The following PBX1 variants were observed in gnomAD, a reference collection of about 807,000 sequenced individuals.
PBX1 encodes PBX homeobox 1.
PBX1 carries 6 observed loss-of-function variants against 53.4 expected under a neutral mutation model. That is an observed-to-expected ratio of 0.11 (90% CI 0.06 to 0.22). PBX1 has a LOEUF of 0.22. PBX1 is among the 10% of genes least tolerant of loss of function. PBX1 has a pLI of 1.00. For missense variants in PBX1, 251 were observed against 551.4 expected (o/e 0.46, Z 5.46); for synonymous variants, 204 against 212.3 (o/e 0.96, Z 0.34).
intron 2 of PBX1, among the ~76,000 whole-genome samples, chr1:164,745,015 T>C (rs905057571): frequency 1.3e-5 from 2 of 152,186 alleles, no homozygotes; most frequent in African/African-American, 2.4e-5. Flanking sequence ...ACTTGCAAAG[T>C]ACTGTTTCTA....
At chr1:164,790,029 T>G (rs1310892156) in intron 2 of PBX1, among the ~76,000 whole-genome samples, 3 of 151,988 alleles carry the variant, frequency 2.0e-5, no homozygotes, top group Non-Finnish European at 4.4e-5. Context: ...CTATTAAAAT[T>G]TATCATATAA....
At chr1:164,574,604 GT>G (rs1654091534) in intron 2 of PBX1, among the ~76,000 whole-genome samples, 1 of 152,140 alleles carries the variant, frequency 6.6e-6, no homozygotes, top group African/African-American at 2.4e-5. Context: ...TGTAAAACTG[GT>G]TATGGTGGTG....
intron 2 of PBX1, among the ~76,000 whole-genome samples, chr1:164,701,870 A>G (rs918354746): frequency 3.9e-5 from 6 of 152,212 alleles, no homozygotes; most frequent in Non-Finnish European, 7.3e-5. Context: ...TGCTTTTATT[A>G]GTGGTACTGT....
chr1:164,795,289 T>A (rs1216347965), intron 3 of PBX1, among the ~76,000 whole-genome samples: 1 of 152,194 alleles, frequency 6.6e-6, no homozygotes, highest in African/African-American at 2.4e-5. Context: ...AATACCTGAC[T>A]CCACTTTGTA....
At chr1:164,700,389 G>T in intron 2 of PBX1, 5 of 896,530 alleles carry the variant, frequency 5.6e-6, no homozygotes, top group Non-Finnish European at 6.7e-6. Context: ...TCAAGGGAGC[G>T]TGAGGTTCTG....
chr1:164,611,866 C>A (rs1481071535), intron 2 of PBX1, among the ~76,000 whole-genome samples: 2 of 152,118 alleles, frequency 1.3e-5, no homozygotes, highest in African/African-American at 4.8e-5. Context: ...TCTCGCATCT[C>A]ACTTTACCTC....
chr1:164,881,554 A>G (rs1238327503), intron 2 of PBX1, among the ~76,000 whole-genome samples: 2 of 108,448 alleles, frequency 1.8e-5, no homozygotes, highest in Non-Finnish European at 1.9e-5. Context: ...CAGAGAGAGT[A>G]GCGGTGGTGA....
At chr1:164,621,697 G>A (rs544398543) in intron 2 of PBX1, among the ~76,000 whole-genome samples, 8 of 152,270 alleles carry the variant, frequency 5.3e-5, no homozygotes, top group African/African-American at 1.9e-4. Context: ...TTTAGCCAAT[G>A]GAGTTTCTTA....
intron 2 of PBX1, among the ~76,000 whole-genome samples, chr1:164,599,071 AT>A (rs375145672): frequency 5.9e-4 from 70 of 118,830 alleles, no homozygotes; most frequent in South Asian, 1.1e-3. Context: ...TTTCCTCCTG[AT>A]TTTTTTTTTT....
At chr1:164,860,376 A>G (rs1672070202) in intron 2 of PBX1, among the ~76,000 whole-genome samples, 1 of 152,228 alleles carries the variant, frequency 6.6e-6, no homozygotes, top group Non-Finnish European at 1.5e-5. Context: ...AAATACTGTT[A>G]AAATGATAGA....
chr1:164,576,965 T>C (rs1030503042), intron 2 of PBX1: 1 of 142,106 alleles, frequency 7.0e-6, no homozygotes, highest in Non-Finnish European at 1.6e-5. Flanking sequence ...TGGTTTTGCA[T>C]GCAGAAGTGA....
intron 2 of PBX1, among the ~76,000 whole-genome samples, chr1:164,711,700 A>G (rs1370640685): frequency 1.5e-4 from 23 of 152,158 alleles, no homozygotes. Flanking sequence ...TCAGAACACA[A>G]AATCCCACAT....
chr1:164,603,961 T>TA (rs1194426095), intron 2 of PBX1, among the ~76,000 whole-genome samples: 28 of 132,028 alleles, frequency 2.1e-4, no homozygotes, highest in African/African-American at 7.7e-4. Flanking sequence ...TTTTTTTTTT[T>TA]TAGAGATGAG....
rs970787385 is a variant in PBX1, at chr1:164,559,767, GGAGCC to G, written c.-47_-43del. 106 of 1,408,098 alleles carry G rather than the reference GGAGCC, an allele frequency of 7.5e-5. No homozygotes were observed. In the Middle Eastern group the frequency reaches 1.3e-3, roughly 17 times the overall value. The allele number at this position is 1,408,098 out of a possible 1,614,324, so 87.2% of individuals were successfully genotyped here. ...GGATAAAAAGCCTTGGTGCTTCCCA[GGAGCC>G]GAGCCGAGGAGCAGAAGAGGAAGAG... On this transcript the variant is annotated 5_prime_UTR_variant, in exon 1 of 9. Transcript: ENST00000420696.
At chr1:164,709,135 G>C (rs1376634032) in intron 2 of PBX1, among the ~76,000 whole-genome samples, 2 of 152,132 alleles carry the variant, frequency 1.3e-5, no homozygotes, top group Non-Finnish European at 2.9e-5. Context: ...ACACAGGAAG[G>C]CTGCAGCACA....
At chr1:164,761,404 T>G (rs1388729030) in intron 2 of PBX1, among the ~76,000 whole-genome samples, 2 of 152,206 alleles carry the variant, frequency 1.3e-5, no homozygotes, top group Non-Finnish European at 2.9e-5. Context: ...TTTTTGGACA[T>G]TCTAAAAAAT....
At chr1:164,648,069 TCTCC>T (rs1446570809) in intron 2 of PBX1, among the ~76,000 whole-genome samples, 1 of 152,018 alleles carries the variant, frequency 6.6e-6, no homozygotes, top group Non-Finnish European at 1.5e-5. Context: ...CCCATCTCGG[TCTCC>T]CAAAGTGCTG....
intron 2 of PBX1, among the ~76,000 whole-genome samples, chr1:164,566,646 A>T (rs1182793822): frequency 6.6e-6 from 1 of 152,202 alleles, no homozygotes; most frequent in Non-Finnish European, 1.5e-5. Flanking sequence ...CAAGCATATT[A>T]CATTTCTTTA....
At chr1:164,566,656 A>G (rs544980826) in intron 2 of PBX1, among the ~76,000 whole-genome samples, 1 of 152,274 alleles carries the variant, frequency 6.6e-6, no homozygotes, top group South Asian at 2.1e-4. Flanking sequence ...ACATTTCTTT[A>G]AAAAAACCTT....
Sources: allele counts gnomAD v4.1 joint callset (sites outside exome capture counted in the v4.1 genomes callset), GRCh38; gene constraint gnomAD v4.1.1; transcripts MANE v1.5; gene names NCBI Gene and HGNC (gene_info 2026-07-23, HGNC 2026-07-21).